Variants in NAGLU observed in about 807,000 individuals in gnomAD.
NAGLU encodes alpha-N-acetylglucosaminidase.
In NAGLU, 34 loss-of-function variants were observed where a neutral mutation model predicts 43.4. That is an observed-to-expected ratio of 0.78 (90% CI 0.60 to 1.04). NAGLU has a LOEUF of 1.04. Among genes scored for constraint, NAGLU ranks in the 50% least tolerant of loss-of-function variants. NAGLU has a pLI of 0.00. For synonymous variants in NAGLU, 425 were observed against 437.6 expected (o/e 0.97, Z 0.36); for missense variants, 910 against 993.7 (o/e 0.92, Z 1.13).
rs887004958 is a variant in NAGLU, at chr17:42,536,489, G to A, written c.217G>A (p.Ala73Thr). 4.3e-5 allele frequency: 53 copies of A among 1,221,938 alleles called. No homozygotes were observed. Among genetic ancestry groups the A allele is most frequent in the Non-Finnish European group, 5.2e-5 (51 of 984,198 alleles). 75.7% of individuals were successfully genotyped at this position (1,221,938 alleles called of 1,614,324 possible). Residue 73 changes from alanine (A) to threonine (T), a missense_variant, in exon 1 of 6, where the codon GCG becomes ACG. Physicochemically the swap from Ala to Thr is moderately conservative, Grantham distance 58 (BLOSUM62 0). Transcript: ENST00000225927. The part of the protein sequence containing the change: ...DTYSLGGGGA[A>T]RVRVRGSTGV... ...CTACAGCCTGGGCGGCGGCGGCGCG[G>A]CGCGCGTGCGGGTGCGCGGCTCCAC...
rs1276497226 is a variant in NAGLU at position 42,536,326 on chromosome 17, C to G, written c.54C>G (p.Ala18=). The change falls in exon 1 of 6, where the codon GCC becomes GCG. Residue 18 remains alanine (A), a synonymous_variant. Coordinates refer to ENST00000225927, the MANE Select transcript of NAGLU (RefSeq NM_000263.4). ...TGGGGGTCCTTCTCCTGGCCGGGGCCGGGGGCGCGGCAGGCGACGAGGCCC... is the reference window on the plus strand; with the variant it reads ...TGGGGGTCCTTCTCCTGGCCGGGGCGGGGGGCGCGGCAGGCGACGAGGCCC... ...AAVGVLLLAG[A]GGAAGDEARE... 2.5e-6 allele frequency: 3 copies of G among 1,216,170 alleles called. No homozygotes were observed. The highest frequency in any genetic ancestry group is 3.1e-6 in the Non-Finnish European group (3 of 978,608). The allele number at this position is 1,216,170 out of a possible 1,614,324, so 75.3% of individuals were successfully genotyped here. A position where few individuals can be genotyped will look rare whatever the true frequency, so the allele number is the denominator to read the frequency against.
rs2092905797 is a variant in NAGLU at position 42,536,314 on chromosome 17, C to G, written c.42C>G (p.Leu14=). The G allele has an allele frequency of 8.2e-7, 1 of 1,218,876 alleles. No homozygotes were observed. The allele number at this position is 1,218,876 out of a possible 1,614,324, so 75.5% of individuals were successfully genotyped here. ...TGGCCGCGGCGGTGGGGGTCCTTCT[C>G]CTGGCCGGGGCCGGGGGCGCGGCAG... The part of the protein sequence containing the change: ...VAVAAAVGVL[L]LAGAGGAAGD... The change falls in exon 1 of 6, where the codon CTC becomes CTG. Residue 14 remains leucine (L), a synonymous_variant. Coordinates refer to ENST00000225927, the MANE Select transcript of NAGLU (RefSeq NM_000263.4).
At chr17:42,540,661 A>G (rs1360007340) in intron 4 of NAGLU, among the ~76,000 whole-genome samples, 1 of 149,028 alleles carries the variant, frequency 6.7e-6, no homozygotes, top group East Asian at 2.0e-4. Flanking sequence ...GCGCCACTGC[A>G]CTCCAGCCTG....
chr17:42,543,709 T>G lies in NAGLU; in HGVS notation c.1703T>G (p.Val568Gly), dbSNP rs777283283. ...CTGCTGGACCTCACTCGGCAGGCAG[T>G]GCAGGAGCTGGTCAGCTTGTACTAT... ...YDLLDLTRQA[V>G]QELVSLYYEE... The change falls in exon 6 of 6, where the codon GTG (valine) becomes GGG (glycine). Residue 568 changes from valine (V) to glycine (G), a missense_variant. Transcript: ENST00000225927. 2.7e-5 allele frequency: 43 copies of G among 1,612,286 alleles called. No homozygotes were observed. The East Asian group carries it at 9.4e-4, about 35-fold the overall frequency.
rs2092913523 is a variant in NAGLU at position 42,538,607 on chromosome 17, G to C, written c.679-63G>C. 1.9e-6 allele frequency: 3 copies of C among 1,612,442 alleles called. No individual in the cohort carries two copies. The Admixed American group carries it at 5.0e-5, about 27-fold the overall frequency. On this transcript the variant is annotated intron_variant, in intron 3 of 5. Transcript: ENST00000225927. Reference sequence around the variant, plus strand: ...GCGGGGGGCTGCGTGTATCCTGGGAGATGAGGGCCTTCTCATAGGACAGCA... The same window carrying C: ...GCGGGGGGCTGCGTGTATCCTGGGACATGAGGGCCTTCTCATAGGACAGCA...
chr17:42,537,871 A>AAAC (rs1348000278), intron 2 of NAGLU, among the ~76,000 whole-genome samples: 4 of 151,816 alleles, frequency 2.6e-5, no homozygotes, highest in African/African-American at 9.7e-5. Context: ...AAAAAAAAAA[A>AAAC]AAAAAAAAAC....
rs1312488945 is a variant in NAGLU, at chr17:42,536,320, C to T, written c.48C>T (p.Ala16=). The change falls in exon 1 of 6, where the codon GCC becomes GCT. Residue 16 remains alanine (A), a synonymous_variant. Coordinates refer to ENST00000225927, the MANE Select transcript of NAGLU (RefSeq NM_000263.4). The part of the protein sequence containing the change: ...VAAAVGVLLL[A]GAGGAAGDEA... ...CGGCGGTGGGGGTCCTTCTCCTGGC[C>T]GGGGCCGGGGGCGCGGCAGGCGACG... The T allele has an allele frequency of 2.5e-6, 3 of 1,217,608 alleles. No individual in the cohort carries two copies. The highest frequency in any genetic ancestry group is 3.1e-6 in the Non-Finnish European group (3 of 979,376). 75.4% of individuals were successfully genotyped at this position (1,217,608 alleles called of 1,614,324 possible).
In NAGLU at chr17:42,543,016, T is replaced by C; in HGVS notation, c.1022-12T>C. 6.2e-7 allele frequency: 1 copy of C among 1,600,416 alleles called. No homozygotes were observed. The highest frequency in any genetic ancestry group is 8.5e-7 in the Non-Finnish European group (1 of 1,179,938). On this transcript the variant is annotated splice_polypyrimidine_tract_variant and intron_variant, in intron 5 of 5. Coordinates refer to ENST00000225927, the MANE Select transcript of NAGLU (RefSeq NM_000263.4). ...ACTCCTCTTCTCTGTTCCCCCTACC[T>C]CCTGTCCACAGTGGATACTGAGGCT...
At position 42,544,447 on chromosome 17, in the gene NAGLU, A is replaced by G; in HGVS notation, c.*209A>G. ...TTAAAGTACTGTTTTCTTTCCACTT[A>G]AACTGATGAGTCCCCTGGGTCTGTC... On this transcript the variant is annotated 3_prime_UTR_variant, in exon 6 of 6. Transcript: ENST00000225927. 2 of 717,196 alleles carry G rather than the reference A, an allele frequency of 2.8e-6. No individual in the cohort carries two copies. Among genetic ancestry groups the G allele is most frequent in the Non-Finnish European group, 4.6e-6 (2 of 438,558 alleles). 44.4% of individuals were successfully genotyped at this position (717,196 alleles called of 1,614,324 possible).
rs104894591 is a variant in NAGLU, at chr17:42,543,882, C to T, written c.1876C>T (p.Arg626Ter). 1.6e-5 allele frequency: 25 copies of T among 1,604,266 alleles called. No individual in the cohort carries two copies. Among genetic ancestry groups the T allele is most frequent in the African/African-American group, 1.3e-4 (10 of 74,746 alleles). Reference protein sequence around the residue: ...FLLGSWLEQARAAAVSEAEAD... With the variant: ...FLLGSWLEQA ...GCTGGGCAGCTGGCTAGAGCAGGCCCGAGCAGCGGCAGTCAGTGAGGCCGA... is the reference window on the plus strand; with the variant it reads ...GCTGGGCAGCTGGCTAGAGCAGGCCTGAGCAGCGGCAGTCAGTGAGGCCGA... Residue 626 changes from arginine (R) to a stop codon, truncating the protein, a stop_gained, in exon 6 of 6, where the codon CGA (arginine) becomes TGA (stop). Transcript: ENST00000225927. LOFTEE classifies it low-confidence loss of function (END_TRUNC).
intron 5 of NAGLU, 149 bp downstream of exon 5, chr17:42,541,355 G>C: frequency 8.1e-7 from 1 of 1,229,766 alleles, no homozygotes; most frequent in East Asian, 2.5e-5. Flanking sequence ...GTACACATGC[G>C]TTGTCTCAGT....
chr17:42,536,619 C>T lies in NAGLU; in HGVS notation c.347C>T (p.Ala116Val), dbSNP rs1323765705. The change falls in exon 1 of 6, where the codon GCC becomes GTC. Residue 116 changes from alanine (A) to valine (V), a missense_variant. By Grantham distance (64) the Ala-to-Val change is moderately conservative (BLOSUM62 0). Transcript: ENST00000225927. ...CTGCGCCTGCCGCGGCCACTGCCAG[C>T]CGTGCCGGGGGAGCTGACCGAGGCC... ...SQLRLPRPLP[A>V]VPGELTEATP... 2 of 1,495,620 alleles carry T rather than the reference C, an allele frequency of 1.3e-6. No individual in the cohort carries two copies. Among genetic ancestry groups the T allele is most frequent in the South Asian group, 1.3e-5 (1 of 79,746 alleles). The allele number at this position is 1,495,620 out of a possible 1,614,324, so 92.6% of individuals were successfully genotyped here. A position where few individuals can be genotyped will look rare whatever the true frequency, so the allele number is the denominator to read the frequency against.
In NAGLU at chr17:42,536,272, C is replaced by T; in HGVS notation, c.-1C>T. 8.2e-7 allele frequency: 1 copy of T among 1,218,240 alleles called. No homozygotes were observed. The highest frequency in any genetic ancestry group is 3.3e-5 in the East Asian group (1 of 30,506). The allele number at this position is 1,218,240 out of a possible 1,614,324, so 75.5% of individuals were successfully genotyped here. ...GTCGCGGGACCCGCAGGACTGAGAC[C>T]ATGGAGGCGGTGGCGGTGGCCGCGG... On this transcript the variant is annotated 5_prime_UTR_variant, in exon 1 of 6. Transcript: ENST00000225927.
intron 5 of NAGLU, 151 bp downstream of exon 5, chr17:42,541,357 T>G: frequency 2.5e-6 from 3 of 1,221,462 alleles, no homozygotes; most frequent in Non-Finnish European, 3.5e-6. Flanking sequence ...ACACATGCGT[T>G]GTCTCAGTGA....
intron 4 of NAGLU, 51 bp from the exon 5 acceptor site, chr17:42,540,899 T>G: frequency 2.5e-6 from 4 of 1,613,930 alleles, no homozygotes; most frequent in South Asian, 2.2e-5. Context: ...AACACTATGG[T>G]GAACACTATG....
intron 4 of NAGLU, among the ~76,000 whole-genome samples, chr17:42,539,473 C>T (rs1457319011): frequency 6.6e-6 from 1 of 152,240 alleles, no homozygotes; most frequent in Non-Finnish European, 1.5e-5. Context: ...TTGCTAGTGC[C>T]CCGCATGACC....
chr17:42,541,241 G>A (rs759662602), intron 5 of NAGLU, 35 bp downstream of exon 5: 68 of 1,608,320 alleles, frequency 4.2e-5, no homozygotes, highest in Non-Finnish European at 5.4e-5. Context: ...GAGCCCCCCA[G>A]ACCCTCAAAA....
Position 42,544,012 on chromosome 17 carries a change from A to G in NAGLU, c.2006A>G (p.Asn669Ser). 6.2e-7 allele frequency: 1 copy of G among 1,611,116 alleles called. No individual in the cohort carries two copies. Among genetic ancestry groups the G allele is most frequent in the South Asian group, 1.1e-5 (1 of 90,514 alleles). Residue 669 changes from asparagine (N) to serine (S), a missense_variant, in exon 6 of 6, where the codon AAC becomes AGC. By Grantham distance (46) the Asn-to-Ser change is conservative. Coordinates refer to ENST00000225927, the MANE Select transcript of NAGLU (RefSeq NM_000263.4). ...AAGCAGCTGGCGGGGTTGGTGGCCA[A>G]CTACTACACCCCTCGCTGGCGGCTT... is the stretch of plus-strand genomic sequence containing the variant. ...ANKQLAGLVA[N>S]YYTPRWRLFL...
At chr17:42,540,113 CAA>C (rs571274275) in intron 4 of NAGLU, among the ~76,000 whole-genome samples, 13 of 52,198 alleles carry the variant, frequency 2.5e-4, no homozygotes, top group Non-Finnish European at 3.4e-4. Context: ...GACTCCGTCT[CAA>C]AAAAAAAAAA....
Sources: allele counts gnomAD v4.1 joint callset (sites outside exome capture counted in the v4.1 genomes callset), GRCh38; gene constraint gnomAD v4.1.1; transcripts MANE v1.5; gene names NCBI Gene and HGNC (gene_info 2026-07-23, HGNC 2026-07-21).